The following ATF6 variants were observed in gnomAD, a reference collection of about 807,000 sequenced individuals.
The protein encoded by ATF6 is cyclic AMP-dependent transcription factor ATF-6 alpha.
Under a neutral mutation model 83.6 loss-of-function variants are expected in ATF6, and 53 were observed. The observed-to-expected ratio is 0.63, with a 90% CI of 0.51 to 0.80. The LOEUF (loss-of-function observed/expected upper bound fraction) is 0.80. ATF6 is among the 30% of genes least tolerant of loss of function. The pLI, the probability that ATF6 is intolerant of heterozygous loss-of-function variation, is 0.00. For missense variants in ATF6, 744 were observed against 797.9 expected (o/e 0.93, Z 0.81); for synonymous variants, 288 against 285.8 (o/e 1.01, Z -0.08).
chr1:161,856,050 T>A (rs946220706), intron 12 of ATF6, among the ~76,000 whole-genome samples: 2 of 152,180 alleles, frequency 1.3e-5, no homozygotes, highest in Admixed American at 6.5e-5. Flanking sequence ...TTTCACCAGG[T>A]TTACATGTTT....
At chr1:161,833,417 C>T (rs1223894330) in intron 9 of ATF6, among the ~76,000 whole-genome samples, 2 of 152,026 alleles carry the variant, frequency 1.3e-5, no homozygotes, top group African/African-American at 2.4e-5. Context: ...ATGACTTTGA[C>T]GAGTTGAGAG....
intron 9 of ATF6, among the ~76,000 whole-genome samples, chr1:161,828,588 A>C (rs1013663437): frequency 3.3e-5 from 5 of 152,172 alleles, no homozygotes; most frequent in African/African-American, 1.2e-4. Context: ...AAAGAGGGGA[A>C]CAAAAGTTGC....
At chr1:161,880,637 G>A (rs776826503) in intron 14 of ATF6, among the ~76,000 whole-genome samples, 1 of 152,068 alleles carries the variant, frequency 6.6e-6, no homozygotes, top group South Asian at 2.1e-4. Flanking sequence ...CTGGTGTAGG[G>A]ATATAGCACA....
chr1:161,899,468 G>T (rs2101877939), intron 14 of ATF6, among the ~76,000 whole-genome samples: 1 of 152,194 alleles, frequency 6.6e-6, no homozygotes, highest in Admixed American at 6.5e-5. Context: ...ATTCTCTGTG[G>T]TCACGAACAT....
chr1:161,773,140 A>ATTTT (rs759769528), intron 1 of ATF6, among the ~76,000 whole-genome samples: 1,391 of 130,068 alleles, frequency 0.011, 14 homozygotes, highest in Non-Finnish European at 0.017. Context: ...TACTTTTTGT[A>ATTTT]TTTTTTTTTT....
At chr1:161,809,733 C>G (rs1185891393) in intron 7 of ATF6, among the ~76,000 whole-genome samples, 1 of 152,202 alleles carries the variant, frequency 6.6e-6, no homozygotes, top group Non-Finnish European at 1.5e-5. Context: ...GATTGCCATT[C>G]TAACTGGTGT....
chr1:161,807,863 ATCTTTTTTTT>A (rs201753679), intron 7 of ATF6, among the ~76,000 whole-genome samples: 7,745 of 54,542 alleles, frequency 0.14, 751 homozygotes, highest in East Asian at 0.42. Flanking sequence ...TTAGTTTGTC[ATCTTTTTTTT>A]TTTTTTTTTT....
intron 13 of ATF6, among the ~76,000 whole-genome samples, chr1:161,860,659 T>C (rs1029739316): frequency 6.6e-6 from 1 of 151,988 alleles, no homozygotes; most frequent in Non-Finnish European, 1.5e-5. Context: ...TGCTGAGTGT[T>C]TTACATGTAT....
chr1:161,766,387 C>T lies in ATF6; in HGVS notation c.27C>T (p.Gly9=), dbSNP rs760910329. The T allele has an allele frequency of 3.7e-6, 6 of 1,612,890 alleles. No homozygotes were observed. In the Admixed American group the frequency reaches 6.7e-5, roughly 18 times the overall value. The change falls in exon 1 of 16, where the codon GGC becomes GGT. Residue 9 remains glycine (G), a synonymous_variant. Coordinates refer to ENST00000367942, the MANE Select transcript of ATF6 (RefSeq NM_007348.4). The part of the protein sequence containing the change: MGEPAGVA[G]TMESPFSPGL... ...TGGGGGAGCCGGCTGGGGTTGCCGG[C>T]ACCATGGAGTCACCTTTTAGCCCGG... is the stretch of plus-strand genomic sequence containing the variant.
intron 15 of ATF6, among the ~76,000 whole-genome samples, chr1:161,949,064 A>G (rs561484442): frequency 3.7e-4 from 57 of 152,298 alleles, no homozygotes; most frequent in South Asian, 3.1e-3. Flanking sequence ...TTATCTAGTT[A>G]AAAACTGAAT....
intron 9 of ATF6, among the ~76,000 whole-genome samples, chr1:161,836,258 C>G (rs1224664252): frequency 6.6e-6 from 1 of 152,026 alleles, no homozygotes; most frequent in Non-Finnish European, 1.5e-5. Flanking sequence ...AATCTGGTTC[C>G]AATTTTTTGT....
intron 1 of ATF6, among the ~76,000 whole-genome samples, chr1:161,772,972 T>G (rs1007272041): frequency 4.2e-4 from 61 of 146,066 alleles, no homozygotes; most frequent in Non-Finnish European, 7.7e-4. Context: ...TGTTTTTTTT[T>G]TTTTTTTTTT....
intron 14 of ATF6, among the ~76,000 whole-genome samples, chr1:161,883,378 T>G (rs1476331894): frequency 1.3e-5 from 2 of 152,042 alleles, no homozygotes; most frequent in Non-Finnish European, 2.9e-5. Context: ...TTGATTCTAA[T>G]TCAGTGCTCA....
intron 7 of ATF6, among the ~76,000 whole-genome samples, chr1:161,809,837 T>C (rs1047732336): frequency 1.2e-4 from 18 of 152,382 alleles, no homozygotes; most frequent in Non-Finnish European, 1.8e-4. Context: ...CATAAATGTC[T>C]TCTTTTGAGA....
intron 4 of ATF6, among the ~76,000 whole-genome samples, chr1:161,786,635 C>G (rs7528605): frequency 0.99 from 151,456 of 152,274 alleles, 75,322 homozygotes; most frequent in East Asian, 1. Context: ...TTGTGAGTAC[C>G]TTGCAAATAA....
intron 9 of ATF6, among the ~76,000 whole-genome samples, chr1:161,828,036 C>G (rs1163982043): frequency 1.3e-5 from 2 of 151,980 alleles, no homozygotes; most frequent in Admixed American, 1.3e-4. Flanking sequence ...AGAAAATCCT[C>G]TTCTTATTAC....
intron 14 of ATF6, among the ~76,000 whole-genome samples, chr1:161,896,959 T>A (rs1021210642): frequency 6.6e-6 from 1 of 152,178 alleles, no homozygotes; most frequent in African/African-American, 2.4e-5. Context: ...TGCACTTTAC[T>A]ATGTTCTAAT....
At chr1:161,955,471 C>T (rs761953132) in intron 15 of ATF6, among the ~76,000 whole-genome samples, 18 of 152,156 alleles carry the variant, frequency 1.2e-4, no homozygotes, top group Non-Finnish European at 2.2e-4. Flanking sequence ...TAAACAGATG[C>T]CCAGCCACCC....
chr1:161,885,673 C>G (rs1687404748), intron 14 of ATF6, among the ~76,000 whole-genome samples: 1 of 152,022 alleles, frequency 6.6e-6, no homozygotes, highest in Non-Finnish European at 1.5e-5. Context: ...CGGCTTCTGT[C>G]TGATAAAATT....
Sources: allele counts gnomAD v4.1 joint callset (sites outside exome capture counted in the v4.1 genomes callset), GRCh38; gene constraint gnomAD v4.1.1; transcripts MANE v1.5; gene names NCBI Gene and HGNC (gene_info 2026-07-23, HGNC 2026-07-21).